VEPH1: variants seen among roughly 807,000 people sequenced by gnomAD.
VEPH1 encodes ventricular zone expressed PH domain containing 1.
A neutral mutation model predicts 85.2 loss-of-function variants in VEPH1; 80 were observed. That is an observed-to-expected ratio of 0.94 (90% CI 0.78 to 1.13). The LOEUF (loss-of-function observed/expected upper bound fraction) is 1.13, where lower values mean the gene tolerates loss of function less well. Among genes scored for constraint, VEPH1 ranks in the 50% most tolerant of loss-of-function variants. The pLI is 0.00. For missense variants in VEPH1, 955 were observed against 980.5 expected, an observed-to-expected ratio of 0.97 and a Z score of 0.35; for synonymous variants, 297 against 348.0, an observed-to-expected ratio of 0.85 and a Z score of 1.63.
At chr3:157,473,370 C>G (rs979975223) in intron 2 of VEPH1, among the ~76,000 whole-genome samples, 3 of 152,086 alleles carry the variant, frequency 2.0e-5, no homozygotes, top group African/African-American at 7.2e-5. Flanking sequence ...CCATGTCGTG[C>G]TTTTTGTATT....
chr3:157,452,594 C>T (rs2109313873), intron 4 of VEPH1, among the ~76,000 whole-genome samples: 1 of 152,322 alleles, frequency 6.6e-6, no homozygotes, highest in African/African-American at 2.4e-5. Context: ...ATCCTCATCA[C>T]CACCTTAGCT....
At chr3:157,441,896 G>A (rs1393530345) in intron 4 of VEPH1, among the ~76,000 whole-genome samples, 1 of 152,070 alleles carries the variant, frequency 6.6e-6, no homozygotes, top group Non-Finnish European at 1.5e-5. Context: ...TAAATGGAGC[G>A]AACTAGGTCT....
intron 11 of VEPH1, among the ~76,000 whole-genome samples, chr3:157,290,068 ACACACACACAC>A (rs1717300681): frequency 9.0e-6 from 1 of 110,788 alleles, no homozygotes; most frequent in Non-Finnish European, 2.1e-5. Flanking sequence ...ACACACACAC[ACACACACACAC>A]AACCTGTCTT....
chr3:157,287,260 A>G (rs1716897649), intron 11 of VEPH1, among the ~76,000 whole-genome samples: 1 of 152,106 alleles, frequency 6.6e-6, no homozygotes, highest in Non-Finnish European at 1.5e-5. Context: ...CTGTGGTCCC[A>G]GCTACTCAGG....
intron 7 of VEPH1, among the ~76,000 whole-genome samples, chr3:157,366,826 C>A (rs372868530): frequency 6.6e-6 from 1 of 152,122 alleles, no homozygotes; most frequent in African/African-American, 2.4e-5. Context: ...GGGCTGGTAA[C>A]TAATTTTTTC....
chr3:157,347,200 C>CAA (rs375352596), intron 9 of VEPH1, among the ~76,000 whole-genome samples: 1,468 of 141,520 alleles, frequency 0.01, 21 homozygotes, highest in African/African-American at 0.036. Flanking sequence ...TAAAAACCAA[C>CAA]AAAAAAAAAA....
chr3:157,503,355 T>C lies in VEPH1; in HGVS notation c.-236A>G, dbSNP rs571940649. 14 of 152,326 alleles carry C rather than the reference T, an allele frequency of 9.2e-5. No individual in the cohort carries two copies. Among genetic ancestry groups the C allele is most frequent in the African/African-American group, 3.1e-4 (13 of 41,572 alleles). The allele number at this position is 152,326 out of a possible 1,614,324, so 9.4% of individuals were successfully genotyped here. On this transcript the variant is annotated 5_prime_UTR_variant, in exon 1 of 14. An upstream start codon of the reference 5' UTR is lost. Coordinates refer to ENST00000362010, the MANE Select transcript of VEPH1 (RefSeq NM_001167912.2). ...TTTAGAGCACTGCAGCTGGGACCCATGACCATGCTCAGAGGCAGCCTTGCA... is the reference window on the plus strand; with the variant it reads ...TTTAGAGCACTGCAGCTGGGACCCACGACCATGCTCAGAGGCAGCCTTGCA...
At chr3:157,291,182 T>C (rs764698289) in intron 11 of VEPH1, among the ~76,000 whole-genome samples, 1 of 152,226 alleles carries the variant, frequency 6.6e-6, no homozygotes, top group Non-Finnish European at 1.5e-5. Context: ...ATTTCAAGTA[T>C]GTTTTAAGAC....
At chr3:157,390,705 A>G (rs1729774120) in intron 6 of VEPH1, among the ~76,000 whole-genome samples, 1 of 152,196 alleles carries the variant, frequency 6.6e-6, no homozygotes, top group African/African-American at 2.4e-5. Flanking sequence ...GCTGGAATAA[A>G]GCCCCCATGA....
chr3:157,457,579 T>A (rs937326411), intron 4 of VEPH1, among the ~76,000 whole-genome samples: 2 of 152,232 alleles, frequency 1.3e-5, no homozygotes, highest in Non-Finnish European at 2.9e-5. Flanking sequence ...TATTGGGAAT[T>A]TTTAACATGA....
intron 9 of VEPH1, among the ~76,000 whole-genome samples, chr3:157,328,489 C>T (rs1256437946): frequency 6.6e-6 from 1 of 152,122 alleles, no homozygotes; most frequent in Non-Finnish European, 1.5e-5. Context: ...GAACTTACTA[C>T]ACAGCTAATA....
intron 9 of VEPH1, among the ~76,000 whole-genome samples, chr3:157,323,240 A>G (rs551633898): frequency 6.6e-6 from 1 of 152,382 alleles, no homozygotes; most frequent in East Asian, 1.9e-4. Flanking sequence ...AGGTAAAAAC[A>G]AAATTAGATT....
intron 4 of VEPH1, among the ~76,000 whole-genome samples, chr3:157,431,234 G>T (rs917143909): frequency 1.3e-5 from 2 of 152,170 alleles, no homozygotes; most frequent in African/African-American, 2.4e-5. Flanking sequence ...CGCCAGGATT[G>T]TAAGTTTCCT....
At chr3:157,314,389 A>T (rs991669734) in intron 10 of VEPH1, among the ~76,000 whole-genome samples, 4 of 149,540 alleles carry the variant, frequency 2.7e-5, no homozygotes, top group African/African-American at 9.8e-5. Flanking sequence ...CAAACATATG[A>T]TATATTTCAG....
chr3:157,352,430 ACAGT>A (rs1361071617), intron 9 of VEPH1, among the ~76,000 whole-genome samples: 1 of 152,232 alleles, frequency 6.6e-6, no homozygotes, highest in East Asian at 1.9e-4. Flanking sequence ...TAGAATAGAA[ACAGT>A]CAGGACAGAC....
rs11398653 is a variant in VEPH1 at position 157,261,130 on chromosome 3, A to AT, written c.*3dup. ...TATAATTGTCATGGCTGACTTATAA[A>AT]TCCCTACAGATATGTGGTTACTTCT... On this transcript the variant is annotated 3_prime_UTR_variant, in exon 14 of 14. Coordinates refer to ENST00000362010, the MANE Select transcript of VEPH1 (RefSeq NM_001167912.2). The AT allele has an allele frequency of 0.37, 590,405 of 1,613,090 alleles. 113,312 individuals carry two copies. Among genetic ancestry groups the AT allele is most frequent in the Admixed American group, 0.65 (39,019 of 59,972 alleles).
At chr3:157,371,792 G>C (rs765950989) in intron 7 of VEPH1, among the ~76,000 whole-genome samples, 1 of 152,240 alleles carries the variant, frequency 6.6e-6, no homozygotes. Context: ...TCCTTTTGGG[G>C]ATACATTCCG....
intron 4 of VEPH1, among the ~76,000 whole-genome samples, chr3:157,434,830 A>G (rs964821045): frequency 2.6e-5 from 4 of 151,928 alleles, no homozygotes; most frequent in Non-Finnish European, 4.4e-5. Context: ...TCGGATGCCT[A>G]TGTCCATTTG....
At chr3:157,443,113 T>C in intron 4 of VEPH1, 1 of 1,066,268 alleles carries the variant, frequency 9.4e-7, no homozygotes, top group Non-Finnish European at 1.3e-6. Flanking sequence ...GACCAATCTT[T>C]ATTTGTACTG....
Sources: allele counts gnomAD v4.1 joint callset (sites outside exome capture counted in the v4.1 genomes callset), GRCh38; gene constraint gnomAD v4.1.1; transcripts MANE v1.5; gene names NCBI Gene and HGNC (gene_info 2026-07-23, HGNC 2026-07-21).